RBMS3: variants seen among roughly 807,000 people sequenced by gnomAD.
The protein encoded by RBMS3 is RNA-binding motif, single-stranded-interacting protein 3.
A neutral mutation model predicts 66.8 loss-of-function variants in RBMS3; 27 were observed. The observed-to-expected ratio is 0.40, with a 90% CI of 0.30 to 0.56. The LOEUF (loss-of-function observed/expected upper bound fraction) is 0.56. Ranked by LOEUF, RBMS3 falls within the 20% of genes least tolerant of loss-of-function variation. The pLI is 0.40. For synonymous variants in RBMS3, 188 were observed against 183.0 expected (o/e 1.03, Z -0.22); for missense variants, 513 against 549.5 (o/e 0.93, Z 0.66).
At chr3:29,935,464 GTC>G (rs1201548879) in intron 10 of RBMS3, among the ~76,000 whole-genome samples, 1 of 152,100 alleles carries the variant, frequency 6.6e-6, no homozygotes, top group African/African-American at 2.4e-5. Context: ...TTGGTATTCT[GTC>G]TTGTGTCTAA....
chr3:29,808,177 AT>A (rs536242014), intron 6 of RBMS3, among the ~76,000 whole-genome samples: 48 of 150,784 alleles, frequency 3.2e-4, no homozygotes, highest in African/African-American at 9.0e-4. Context: ...TTTGTTGTTC[AT>A]TTTTTTTTGT....
intron 14 of RBMS3, among the ~76,000 whole-genome samples, chr3:29,995,795 A>C (rs922600766): frequency 1.3e-5 from 2 of 152,352 alleles, no homozygotes; most frequent in East Asian, 1.9e-4. Context: ...AACAACCGGT[A>C]CCAGCCACTG....
chr3:29,882,151 G>A (rs1366033283), intron 7 of RBMS3, among the ~76,000 whole-genome samples: 1 of 152,024 alleles, frequency 6.6e-6, no homozygotes, highest in African/African-American at 2.4e-5. Flanking sequence ...GCCCTTTCCT[G>A]TGCCTGAGAC....
intron 6 of RBMS3, among the ~76,000 whole-genome samples, 190 bp downstream of exon 6, chr3:29,763,179 T>G (rs1332986969): frequency 6.6e-6 from 1 of 152,098 alleles, no homozygotes; most frequent in Non-Finnish European, 1.5e-5. Flanking sequence ...CTTCTTTTGC[T>G]TTTTGAATCT....
At chr3:29,336,707 A>G (rs570590810) in intron 1 of RBMS3, among the ~76,000 whole-genome samples, 7 of 152,306 alleles carry the variant, frequency 4.6e-5, no homozygotes, top group African/African-American at 1.7e-4. Flanking sequence ...AAAAGATATT[A>G]TTAGTCATTC....
intron 1 of RBMS3, among the ~76,000 whole-genome samples, chr3:29,301,169 T>C (rs192311593): frequency 5.9e-5 from 9 of 152,032 alleles, no homozygotes; most frequent in Admixed American, 2.6e-4. Flanking sequence ...AAAAAGAGAC[T>C]TAAGTTTTGT....
intron 13 of RBMS3, among the ~76,000 whole-genome samples, chr3:29,990,413 A>T (rs970680528): frequency 2.1e-5 from 3 of 145,850 alleles, no homozygotes; most frequent in Non-Finnish European, 4.5e-5. Flanking sequence ...TATATTCCTG[A>T]TTGTGACCAA....
intron 3 of RBMS3, among the ~76,000 whole-genome samples, chr3:29,578,784 A>G (rs1036591904): frequency 9.9e-5 from 13 of 130,862 alleles, no homozygotes; most frequent in African/African-American, 4.2e-4. Flanking sequence ...CAGGTAATAC[A>G]TGCTTCTTTT....
At chr3:29,751,923 A>G (rs1046181409) in intron 5 of RBMS3, among the ~76,000 whole-genome samples, 14 of 152,104 alleles carry the variant, frequency 9.2e-5, no homozygotes, top group African/African-American at 3.4e-4. Context: ...GTTGCCTACG[A>G]CCCCTGGAGC....
rs1416919503 is a variant in RBMS3 at position 29,518,350 on chromosome 3, A to G, written c.307+29851A>G. 2.4e-4 allele frequency among the ~76,000 whole-genome samples: 36 copies of G among 152,208 alleles called. 1 individual carries two copies. The highest frequency in any genetic ancestry group is 2.4e-3 in the Admixed American group (36 of 15,280). On this transcript the variant is annotated intron_variant, in intron 3 of 14. Transcript: ENST00000383767. ...TTGTTATTTTATGAGTTATCATGTC[A>G]TGGCATTGGGTACAAAACTAATGCT... is the stretch of plus-strand genomic sequence containing the variant.
intron 4 of RBMS3, among the ~76,000 whole-genome samples, chr3:29,718,768 A>G (rs2053517394): frequency 1.3e-5 from 2 of 152,184 alleles, no homozygotes. Flanking sequence ...AGGTAGGCCA[A>G]GGAGATGTGC....
chr3:29,514,814 A>G (rs1038201404), intron 3 of RBMS3, among the ~76,000 whole-genome samples: 1 of 151,096 alleles, frequency 6.6e-6, no homozygotes, highest in Non-Finnish European at 1.5e-5. Context: ...TATATATGAT[A>G]GGCATATATA....
At chr3:29,394,890 G>A (rs1017952589) in intron 1 of RBMS3, among the ~76,000 whole-genome samples, 2 of 151,692 alleles carry the variant, frequency 1.3e-5, no homozygotes, top group African/African-American at 4.8e-5. Context: ...TTTCCACTCC[G>A]CATTCCACCT....
chr3:29,893,597 A>C (rs932287395), intron 8 of RBMS3, among the ~76,000 whole-genome samples: 2 of 151,452 alleles, frequency 1.3e-5, no homozygotes, highest in African/African-American at 4.8e-5. Flanking sequence ...ATGAGCCCCA[A>C]ATACTGTTCA....
chr3:29,377,590 C>G (rs1306050968), intron 1 of RBMS3, among the ~76,000 whole-genome samples: 1 of 152,200 alleles, frequency 6.6e-6, no homozygotes, highest in Non-Finnish European at 1.5e-5. Flanking sequence ...AGCAGTTTAT[C>G]TCTAACCAAG....
intron 6 of RBMS3, among the ~76,000 whole-genome samples, chr3:29,868,505 T>C (rs2059413907): frequency 6.6e-6 from 1 of 152,210 alleles, no homozygotes; most frequent in Non-Finnish European, 1.5e-5. Context: ...ACGGTTGCTT[T>C]GAGGAAGAAA....
chr3:29,596,610 A>G (rs2047951188), intron 4 of RBMS3, among the ~76,000 whole-genome samples: 1 of 152,206 alleles, frequency 6.6e-6, no homozygotes, highest in Non-Finnish European at 1.5e-5. Flanking sequence ...AAGATAGTCA[A>G]GTGGTCTTGA....
intron 12 of RBMS3, among the ~76,000 whole-genome samples, chr3:29,986,568 A>G (rs1698402861): frequency 6.6e-6 from 1 of 152,262 alleles, no homozygotes. Context: ...TTTAGAACCT[A>G]TATAGCAGAG....
chr3:29,521,906 G>C (rs1253445020), intron 3 of RBMS3, among the ~76,000 whole-genome samples: 1 of 152,182 alleles, frequency 6.6e-6, no homozygotes, highest in Non-Finnish European at 1.5e-5. Context: ...TTTACTAAAA[G>C]ATAGCTACTG....
Sources: allele counts gnomAD v4.1 joint callset (sites outside exome capture counted in the v4.1 genomes callset), GRCh38; gene constraint gnomAD v4.1.1; transcripts MANE v1.5; gene names NCBI Gene and HGNC (gene_info 2026-07-23, HGNC 2026-07-21).